Variants in AHRR observed in about 807,000 individuals in gnomAD.
AHRR encodes aryl hydrocarbon receptor repressor.
AHRR carries 28 observed loss-of-function variants against 44.0 expected under a neutral mutation model. The observed-to-expected ratio is 0.64, with a 90% confidence interval of 0.47 to 0.87. AHRR has a LOEUF of 0.87. Ranked by LOEUF, AHRR falls within the 40% of genes least tolerant of loss-of-function variation. AHRR has a pLI of 0.00. For synonymous variants in AHRR, 434 were observed against 407.0 expected, an observed-to-expected ratio of 1.07 and a Z score of -0.80; for missense variants, 990 against 953.9, an observed-to-expected ratio of 1.04 and a Z score of -0.50.
Position 427,899 on chromosome 5 carries a change from C to G in AHRR, c.801C>G (p.Phe267Leu), listed in dbSNP as rs1231219185. ...GAMLPPRLSL[F>L]CIAAPVLLPS... ...TGCTCCCGCCGCGGCTGTCGCTGTT[C>G]TGCATTGCGGCACCCGTTCTCCTCC... Residue 267 changes from phenylalanine (F) to leucine (L), a missense_variant, in exon 8 of 11, where the codon TTC becomes TTG. By Grantham distance (22) the Phe-to-Leu change is conservative. Transcript: ENST00000684583. 1 of 1,614,150 alleles carries G rather than the reference C, an allele frequency of 6.2e-7. No individual in the cohort carries two copies.
At chr5:408,631 T>C (rs1024637294) in intron 4 of AHRR, among the ~76,000 whole-genome samples, 2 of 152,256 alleles carry the variant, frequency 1.3e-5, no homozygotes, top group Non-Finnish European at 2.9e-5. Context: ...AAAGCTGATA[T>C]TGGTGTGTCA....
intron 1 of AHRR, among the ~76,000 whole-genome samples, chr5:324,295 T>A (rs938036472): frequency 5.5e-4 from 84 of 151,592 alleles, no homozygotes; most frequent in Middle Eastern, 3.4e-3. Flanking sequence ...GGTCTCGAAC[T>A]CCTGACGTCA....
intron 9 of AHRR, 126 bp from the exon 10 acceptor site, chr5:432,680 C>T: frequency 6.5e-7 from 1 of 1,540,378 alleles, no homozygotes; most frequent in Non-Finnish European, 8.9e-7. Context: ...AAGTGCCGTT[C>T]CTGGGCTCTG....
rs1350220774 is a variant in AHRR, at chr5:395,958, C to G, written c.352-17386C>G. 6.6e-6 allele frequency among the ~76,000 whole-genome samples: 1 copy of G among 152,178 alleles called. No individual in the cohort carries two copies. The highest frequency in any genetic ancestry group is 2.4e-5 in the African/African-American group (1 of 41,456). Reference sequence around the variant, plus strand: ...GTACGAGGATTAGGAGGCCATGGGTCGTCCAGAAACTCAGGCCAGAAGCGA... The same window carrying G: ...GTACGAGGATTAGGAGGCCATGGGTGGTCCAGAAACTCAGGCCAGAAGCGA... On this transcript the variant is annotated intron_variant, in intron 4 of 10. Transcript: ENST00000684583. This position sits in a 1 kb window ranked among gnomAD's most constrained non-coding sequence, Gnocchi z 5.3.
rs1304455810 is a variant in AHRR at position 423,892 on chromosome 5, G to A, written c.623G>A (p.Gly208Asp). 6.2e-7 allele frequency: 1 copy of A among 1,604,930 alleles called. No homozygotes were observed. The highest frequency in any genetic ancestry group is 8.5e-7 in the Non-Finnish European group (1 of 1,179,904). ...CTCAGGGCCCAGGAGTGGGGCACAG[G>A]CACGCCCACCGAGTACTCGGCCTTC... ...RLLRAQEWGT[G>D]TPTEYSAFLT... is the part of the protein sequence containing the mutation. Residue 208 changes from glycine (G) to aspartate (D), a missense_variant, in exon 7 of 11, where the codon GGC becomes GAC. Transcript: ENST00000684583.
chr5:327,172 A>G (rs758574275), intron 1 of AHRR, among the ~76,000 whole-genome samples: 3 of 152,212 alleles, frequency 2.0e-5, no homozygotes, highest in Non-Finnish European at 4.4e-5. Context: ...GCATGTTTTC[A>G]TGCGTTGAAC....
chr5:434,171 C>A lies in AHRR; in HGVS notation c.1431C>A (p.His477Gln). 1 of 1,600,694 alleles carries A rather than the reference C, an allele frequency of 6.2e-7. No individual in the cohort carries two copies. Among genetic ancestry groups the A allele is most frequent in the Non-Finnish European group, 8.5e-7 (1 of 1,173,720 alleles). Residue 477 changes from histidine (H) to glutamine (Q), a missense_variant, in exon 11 of 11, where the codon CAC (histidine) becomes CAA (glutamine). Physicochemically the swap from His to Gln is conservative, Grantham distance 24. Transcript: ENST00000684583. ...GGGATGTCGGTGAGGACCAGGTGCA[C>A]CCTCCCCTCTGCCACTTTCCCCAGA... ...PMRDVGEDQV[H>Q]PPLCHFPQRS...
chr5:377,244 G>A lies in AHRR; in HGVS notation c.351+528G>A, dbSNP rs563217433. ...GTGCTGAGTTGTCCTGTGCTGTAAC[G>A]CGGGGCCTGTTACCCCTCTGGGAGA... On this transcript the variant is annotated intron_variant, in intron 4 of 10. Coordinates refer to ENST00000684583, the MANE Select transcript of AHRR (RefSeq NM_001377236.1). 2.2e-4 allele frequency among the ~76,000 whole-genome samples: 33 copies of A among 152,238 alleles called. No individual in the cohort carries two copies. In the South Asian group the frequency reaches 4.8e-3, roughly 22 times the overall value.
At chr5:389,071 G>A (rs1366407649) in intron 4 of AHRR, among the ~76,000 whole-genome samples, 3 of 152,068 alleles carry the variant, frequency 2.0e-5, no homozygotes, top group South Asian at 2.1e-4. Context: ...GTCTGGGCAC[G>A]ATTCTCTCTC....
At chr5:376,122 A>G (rs1385764266) in intron 3 of AHRR, among the ~76,000 whole-genome samples, 2 of 108,144 alleles carry the variant, frequency 1.8e-5, no homozygotes, top group African/African-American at 1.2e-4. Flanking sequence ...CAGGGCACAG[A>G]AGACCCAGGT....
At chr5:353,698 A>G (rs766400060) in intron 2 of AHRR, 32 bp from the exon 3 acceptor site, 1 of 1,575,646 alleles carries the variant, frequency 6.3e-7, no homozygotes, top group African/African-American at 1.3e-5. Context: ...TCTGGTGGAG[A>G]AGCCCACCTG....
chr5:366,346 G>C (rs1336949357), intron 3 of AHRR, among the ~76,000 whole-genome samples: 1 of 152,020 alleles, frequency 6.6e-6, no homozygotes, highest in Admixed American at 6.5e-5. Context: ...CCAAGTCTGG[G>C]ACAATTTCAG....
chr5:395,053 C>T lies in AHRR; in HGVS notation c.352-18291C>T, dbSNP rs1205775891. Among the ~76,000 whole-genome samples the T allele has an allele frequency of 3.3e-5, 5 of 152,212 alleles. No individual in the cohort carries two copies. Among genetic ancestry groups the T allele is most frequent in the Admixed American group, 6.5e-5 (1 of 15,282 alleles). ...GCATCTTGGGAGGGCAAAGGCAGGA[C>T]GGGAAAGTGATTTCTCCCACCTGTA... On this transcript the variant is annotated intron_variant, in intron 4 of 10. Transcript: ENST00000684583. This position sits in a 1 kb window ranked among gnomAD's most constrained non-coding sequence, Gnocchi z 5.3.
Position 383,879 on chromosome 5 carries a change from G to A in AHRR, c.351+7163G>A, listed in dbSNP as rs1734076915. On this transcript the variant is annotated intron_variant, in intron 4 of 10. Transcript: ENST00000684583. The surrounding 1 kb of genome is among the most constrained non-coding windows in gnomAD (Gnocchi z 4.0). The stretch of plus-strand genomic sequence containing the variant: ...CACACCCAGCCCCCAGCTTTCTTTT[G>A]ATTAATGTTTGCTTGGAATATCTTA... Among the ~76,000 whole-genome samples the A allele has an allele frequency of 6.6e-6, 1 of 151,954 alleles. No individual in the cohort carries two copies. Among genetic ancestry groups the A allele is most frequent in the Admixed American group, 6.6e-5 (1 of 15,244 alleles).
At position 419,663 on chromosome 5, in the gene AHRR, C is replaced by T. The variant is rs1393648147; in HGVS notation, c.442-3066C>T. Among the ~76,000 whole-genome samples the T allele has an allele frequency of 6.6e-6, 1 of 152,062 alleles. No individual in the cohort carries two copies. On this transcript the variant is annotated intron_variant, in intron 5 of 10. Transcript: ENST00000684583. The surrounding 1 kb of genome is among the most constrained non-coding windows in gnomAD (Gnocchi z 4.4). ...CCATTGTCCTGGCAAAGCCGGGGCC[C>T]TCCATGGTGCCCGGCTCTTACTGCA...
intron 1 of AHRR, among the ~76,000 whole-genome samples, chr5:332,048 C>T (rs933414206): frequency 2.0e-4 from 31 of 152,044 alleles, no homozygotes; most frequent in Admixed American, 3.9e-4. Flanking sequence ...TTTAAATTTC[C>T]ATCTTAATCT....
chr5:391,226 A>G (rs1734400829), intron 4 of AHRR, among the ~76,000 whole-genome samples: 1 of 152,214 alleles, frequency 6.6e-6, no homozygotes, highest in African/African-American at 2.4e-5. Context: ...AGAGTGGAGG[A>G]TTCAGAGGCT....
At chr5:393,610 A>T (rs2126478533) in intron 4 of AHRR, among the ~76,000 whole-genome samples, 1 of 150,400 alleles carries the variant, frequency 6.6e-6, no homozygotes, top group East Asian at 1.9e-4. Context: ...TCTGGGAGCT[A>T]TTGCAATGTT....
chr5:351,375 G>A (rs1742853028), intron 2 of AHRR, among the ~76,000 whole-genome samples: 1 of 152,214 alleles, frequency 6.6e-6, no homozygotes. Context: ...CAGATAGACG[G>A]ATAAAGCAAT....
Sources: allele counts gnomAD v4.1 joint callset (sites outside exome capture counted in the v4.1 genomes callset), GRCh38; gene constraint gnomAD v4.1.1; non-coding constraint Gnocchi (gnomAD v3.1); transcripts MANE v1.5; gene names NCBI Gene and HGNC (gene_info 2026-07-23, HGNC 2026-07-21).